PPFIA2: variants seen among roughly 807,000 people sequenced by gnomAD.
The protein encoded by PPFIA2 is liprin-alpha-2.
PPFIA2 carries 46 observed loss-of-function variants against 175.5 expected under a neutral mutation model. The ratio of observed to expected loss-of-function variants is 0.26; its 90% CI spans 0.21 to 0.34. The LOEUF is 0.34. Ranked by LOEUF, PPFIA2 falls within the 10% of genes least tolerant of loss-of-function variation. PPFIA2 has a pLI of 1.00. For synonymous variants in PPFIA2, 568 were observed against 511.4 expected (o/e 1.11, Z -1.49); for missense variants, 1,179 against 1,506.1 (o/e 0.78, Z 3.60).
At chr12:81,657,039 G>A (rs1241579579) in intron 4 of PPFIA2, among the ~76,000 whole-genome samples, 1 of 152,026 alleles carries the variant, frequency 6.6e-6, no homozygotes, top group African/African-American at 2.4e-5. Context: ...TTAATGTTAA[G>A]TGAAAAAAAT....
At chr12:81,566,395 GTGCC>G (rs2071288871) in intron 4 of PPFIA2, among the ~76,000 whole-genome samples, 1 of 151,680 alleles carries the variant, frequency 6.6e-6, no homozygotes, top group South Asian at 2.1e-4. Flanking sequence ...TTGGTGGTGG[GTGCC>G]TGTAGTCCCA....
intron 4 of PPFIA2, among the ~76,000 whole-genome samples, chr12:81,638,677 A>ATTTTC (rs2064450310): frequency 6.1e-5 from 6 of 97,778 alleles, no homozygotes; most frequent in East Asian, 5.2e-4. Flanking sequence ...TTTGTCATAA[A>ATTTTC]TTTTCTTTTT....
intron 4 of PPFIA2, among the ~76,000 whole-genome samples, chr12:81,564,248 T>G (rs754665799): frequency 1.3e-5 from 2 of 151,948 alleles, no homozygotes; most frequent in Non-Finnish European, 2.9e-5. Flanking sequence ...GCATTTGAAA[T>G]GAGAAAATTT....
chr12:81,614,410 T>C (rs560792777), intron 4 of PPFIA2, among the ~76,000 whole-genome samples: 145 of 152,256 alleles, frequency 9.5e-4, no homozygotes, highest in East Asian at 7.7e-4. Flanking sequence ...TTTAGGATAA[T>C]ATTTACATGG....
intron 4 of PPFIA2, among the ~76,000 whole-genome samples, chr12:81,608,310 G>T (rs557990891): frequency 6.6e-6 from 1 of 152,120 alleles, no homozygotes; most frequent in Non-Finnish European, 1.5e-5. Flanking sequence ...TGGCTTCATA[G>T]AATGAGTTAG....
At chr12:81,371,622 G>T (rs2035120805) in intron 11 of PPFIA2, among the ~76,000 whole-genome samples, 2 of 151,290 alleles carry the variant, frequency 1.3e-5, no homozygotes, top group African/African-American at 2.4e-5. Flanking sequence ...GAAAAAAAAA[G>T]AATTTGGTCC....
At chr12:81,531,364 A>C (rs529013332) in intron 4 of PPFIA2, among the ~76,000 whole-genome samples, 1 of 151,960 alleles carries the variant, frequency 6.6e-6, no homozygotes, top group African/African-American at 2.4e-5. Context: ...CTAGGGTAGA[A>C]GTATGATAAT....
chr12:81,648,534 G>C (rs1016040926), intron 4 of PPFIA2, among the ~76,000 whole-genome samples: 3 of 151,466 alleles, frequency 2.0e-5, no homozygotes, highest in African/African-American at 7.3e-5. Flanking sequence ...TCATGGATCA[G>C]GAGATTAAAT....
At chr12:81,749,999 A>G (rs1358997441) in intron 3 of PPFIA2, among the ~76,000 whole-genome samples, 1 of 144,018 alleles carries the variant, frequency 6.9e-6, no homozygotes, top group South Asian at 2.3e-4. Flanking sequence ...CCTTTTCTCA[A>G]GGAGCTTATA....
At chr12:81,747,870 T>C (rs1467273847) in intron 3 of PPFIA2, among the ~76,000 whole-genome samples, 1 of 144,514 alleles carries the variant, frequency 6.9e-6, no homozygotes, top group African/African-American at 2.4e-5. Flanking sequence ...CCTCTTTTAA[T>C]TTCTCATCAA....
intron 3 of PPFIA2, among the ~76,000 whole-genome samples, chr12:81,719,526 C>A (rs554939396): frequency 6.6e-6 from 1 of 151,408 alleles, no homozygotes; most frequent in Non-Finnish European, 1.5e-5. Context: ...CTGTGTCATA[C>A]TTCTTCTTCC....
At chr12:81,260,897 TG>T (rs1593282815) in intron 32 of PPFIA2, 1 of 152,330 alleles carries the variant, frequency 6.6e-6, no homozygotes, top group South Asian at 2.1e-4. Context: ...AGTTTTAGGT[TG>T]AAAAAAAATT....
At chr12:81,725,399 A>G (rs142336247) in intron 3 of PPFIA2, among the ~76,000 whole-genome samples, 88 of 151,086 alleles carry the variant, frequency 5.8e-4, no homozygotes, top group African/African-American at 1.9e-3. Flanking sequence ...TAGAAAAGAA[A>G]CAAAACATAT....
chr12:81,443,189 A>C (rs2050548547), intron 6 of PPFIA2, among the ~76,000 whole-genome samples: 1 of 151,984 alleles, frequency 6.6e-6, no homozygotes, highest in South Asian at 2.1e-4. Flanking sequence ...TTTGCATATC[A>C]GATCATATCT....
At chr12:81,428,415 T>C (rs2047523414) in intron 7 of PPFIA2, among the ~76,000 whole-genome samples, 1 of 152,030 alleles carries the variant, frequency 6.6e-6, no homozygotes, top group African/African-American at 2.4e-5. Flanking sequence ...ACAGCAATTT[T>C]GTTACCTATC....
At chr12:81,323,561 G>T (rs1449096038) in intron 22 of PPFIA2, among the ~76,000 whole-genome samples, 1 of 151,614 alleles carries the variant, frequency 6.6e-6, no homozygotes, top group Non-Finnish European at 1.5e-5. Context: ...AAGAGGATAC[G>T]GTTTCTTTAA....
At chr12:81,512,635 C>T (rs896029566) in intron 4 of PPFIA2, among the ~76,000 whole-genome samples, 4 of 151,936 alleles carry the variant, frequency 2.6e-5, no homozygotes, top group African/African-American at 9.7e-5. Flanking sequence ...GTGCACCTGT[C>T]ATTCGAGCAA....
intron 4 of PPFIA2, chr12:81,506,255 ACTT>A (rs1408438032): frequency 6.6e-6 from 1 of 152,172 alleles, no homozygotes; most frequent in African/African-American, 2.4e-5. Flanking sequence ...CCATTAGAAT[ACTT>A]CTTTTCTTTC....
At chr12:81,587,775 T>C (rs1376912926) in intron 4 of PPFIA2, among the ~76,000 whole-genome samples, 3 of 151,998 alleles carry the variant, frequency 2.0e-5, no homozygotes, top group African/African-American at 7.2e-5. Flanking sequence ...TATTGTGACT[T>C]TTTGATAGTT....
Sources: allele counts gnomAD v4.1 joint callset (sites outside exome capture counted in the v4.1 genomes callset), GRCh38; gene constraint gnomAD v4.1.1; transcripts MANE v1.5; gene names NCBI Gene and HGNC (gene_info 2026-07-23, HGNC 2026-07-21).